The following LARP6 variants were observed in gnomAD, a reference collection of about 807,000 sequenced individuals.
LARP6 encodes the protein la-related protein 6.
Under a neutral mutation model 32.8 loss-of-function variants are expected in LARP6, and 18 were observed. The observed-to-expected ratio is 0.55, with a 90% CI of 0.38 to 0.81. The LOEUF (loss-of-function observed/expected upper bound fraction) is 0.81, where lower values mean the gene tolerates loss of function less well. LARP6 is among the 40% of genes least tolerant of loss of function. The probability of loss-of-function intolerance (pLI) is 0.00; values close to 1 mark genes in which losing one functional copy is unlikely to be tolerated. For synonymous variants in LARP6, 289 were observed against 267.2 expected (o/e 1.08, Z -0.80); for missense variants, 598 against 663.1 (o/e 0.90, Z 1.08).
At chr15:70,839,577 A>G (rs187575006) in intron 1 of LARP6, among the ~76,000 whole-genome samples, 1 of 152,004 alleles carries the variant, frequency 6.6e-6, no homozygotes, top group Non-Finnish European at 1.5e-5. Flanking sequence ...CACTTTCTCA[A>G]TTGCCTTTCC....
intron 1 of LARP6, among the ~76,000 whole-genome samples, chr15:70,846,322 C>T (rs1278183683): frequency 6.6e-6 from 1 of 152,096 alleles, no homozygotes. Flanking sequence ...AACTCTTCGG[C>T]TCCCAACCAG....
At chr15:70,841,081 T>A (rs2032248141) in intron 1 of LARP6, among the ~76,000 whole-genome samples, 1 of 150,992 alleles carries the variant, frequency 6.6e-6, no homozygotes, top group Admixed American at 6.6e-5. Flanking sequence ...GCCCGGCTAA[T>A]TTTTTGTATT....
chr15:70,853,694 G>T (rs911990750), intron 1 of LARP6, among the ~76,000 whole-genome samples, 195 bp downstream of exon 1: 1 of 152,136 alleles, frequency 6.6e-6, no homozygotes, highest in African/African-American at 2.4e-5. Flanking sequence ...GGGCGACGAA[G>T]CTGCGGGCTG....
At position 70,832,570 on chromosome 15, in the gene LARP6, G is replaced by C. The variant is rs781585541; in HGVS notation, c.958C>G (p.Leu320Val). Reference protein sequence around the residue: ...PTASIHLNKSLNKRVEELQYM... With the variant: ...PTASIHLNKSVNKRVEELQYM... ...TGAAGCTCCTCGACTCTCTTGTTCAGGGACTTGTTCAGGTGGATGCTCGCA... is the reference window on the plus strand; with the variant it reads ...TGAAGCTCCTCGACTCTCTTGTTCACGGACTTGTTCAGGTGGATGCTCGCA... Residue 320 changes from leucine (L) to valine (V), a missense_variant, in exon 3 of 3, where the codon CTG becomes GTG. By Grantham distance (32) the Leu-to-Val change is conservative (BLOSUM62 1). This residue lies in a region of LARP6 where 368 missense variants were observed against 397.9 expected (regional missense o/e 0.92). Transcript: ENST00000299213. 6.3e-7 allele frequency: 1 copy of C among 1,575,404 alleles called. No homozygotes were observed. The highest frequency in any genetic ancestry group is 1.9e-5 in the Admixed American group (1 of 52,958).
Position 70,830,084 on chromosome 15 carries a change from C to G in LARP6, c.*1968G>C, listed in dbSNP as rs1363348087. 6.6e-6 allele frequency: 1 copy of G among 152,310 alleles called. No homozygotes were observed. The highest frequency in any genetic ancestry group is 1.9e-4 in the East Asian group (1 of 5,188). 9.4% of individuals were successfully genotyped at this position (152,310 alleles called of 1,614,324 possible). ...AGGGGGCCCTGACATTGCCCAAGGTCAGGAGTCCTGGTGGTCTAGGCACAA... is the reference window on the plus strand; with the variant it reads ...AGGGGGCCCTGACATTGCCCAAGGTGAGGAGTCCTGGTGGTCTAGGCACAA... On this transcript the variant is annotated 3_prime_UTR_variant, in exon 3 of 3. Transcript: ENST00000299213.
intron 1 of LARP6, among the ~76,000 whole-genome samples, chr15:70,845,497 G>A (rs2032329353): frequency 6.6e-6 from 1 of 152,154 alleles, no homozygotes; most frequent in Admixed American, 6.5e-5. Context: ...CATCCTATCA[G>A]GGTAGATGCT....
At chr15:70,842,369 A>G (rs985925842) in intron 1 of LARP6, among the ~76,000 whole-genome samples, 1 of 152,020 alleles carries the variant, frequency 6.6e-6, no homozygotes, top group African/African-American at 2.4e-5. Context: ...TTCTAAGTGT[A>G]GGTGTTACCC....
rs7496129 is a variant in LARP6 at position 70,846,621 on chromosome 15, A to C, written c.200+7268T>G. ...GAGACCCTGTCTCAAAAAATAAATA[A>C]ATACATACATACATACATACATACA... On this transcript the variant is annotated intron_variant, in intron 1 of 2. Coordinates refer to ENST00000299213, the MANE Select transcript of LARP6 (RefSeq NM_018357.4). Among the ~76,000 whole-genome samples the C allele has an allele frequency of 1.0e-3, 156 of 148,880 alleles. 1 individual carries two copies. Among genetic ancestry groups the C allele is most frequent in the African/African-American group, 2.8e-3 (114 of 40,546 alleles).
intron 2 of LARP6, 34 bp from the exon 3 acceptor site, chr15:70,833,150 T>C (rs1476529546): frequency 6.4e-7 from 1 of 1,570,210 alleles, no homozygotes; most frequent in South Asian, 1.1e-5. Flanking sequence ...AAATAGTATC[T>C]AATGTCCTTG....
rs2032565336 is a variant in LARP6 at position 70,853,894 on chromosome 15, C to T, written c.195G>A (p.Gly65=). 1.5e-6 allele frequency: 2 copies of T among 1,314,684 alleles called. No individual in the cohort carries two copies. The highest frequency in any genetic ancestry group is 3.5e-5 in the Admixed American group (1 of 28,824). The allele number at this position is 1,314,684 out of a possible 1,614,324, so 81.4% of individuals were successfully genotyped here. A position where few individuals can be genotyped will look rare whatever the true frequency, so the allele number is the denominator to read the frequency against. ...GSASEEEPSR[G]HSGTTASGGE... ...GGGCCAGCCGCCGCGCCTACCTGTG[C>T]CCGCGGCTCGGCTCCTCCTCGCTCG... Residue 65 remains glycine, a synonymous_variant, in exon 1 of 3, where the codon GGG becomes GGA. Coordinates refer to ENST00000299213, the MANE Select transcript of LARP6 (RefSeq NM_018357.4).
intron 1 of LARP6, chr15:70,851,532 C>A: frequency 6.6e-7 from 1 of 1,509,324 alleles, no homozygotes; most frequent in South Asian, 1.3e-5. Context: ...TAAGATAAGG[C>A]AGCTGCCTTC....
At chr15:70,852,358 G>A in intron 1 of LARP6, 1 of 450,138 alleles carries the variant, frequency 2.2e-6, no homozygotes, top group Non-Finnish European at 4.5e-6. Flanking sequence ...GAGGGGTTCA[G>A]GCAAGAGGCC....
intron 2 of LARP6, among the ~76,000 whole-genome samples, chr15:70,834,118 C>A (rs1163960436): frequency 3.9e-5 from 6 of 152,148 alleles, no homozygotes; most frequent in Non-Finnish European, 8.8e-5. Flanking sequence ...AGCTGCTCTG[C>A]AAAAGAACTG....
intron 1 of LARP6, among the ~76,000 whole-genome samples, chr15:70,838,724 C>T (rs914356761): frequency 2.6e-5 from 4 of 151,806 alleles, no homozygotes; most frequent in East Asian, 1.9e-4. Flanking sequence ...ACTGATTATC[C>T]GCATCATAAC....
rs777961020 is a variant in LARP6, at chr15:70,832,663, C to T, written c.865G>A (p.Val289Ile). The change falls in exon 3 of 3, where the codon GTC (valine) becomes ATC (isoleucine). Residue 289 changes from valine to isoleucine, a missense_variant. Physicochemically the swap from Val to Ile is conservative, Grantham distance 29 (BLOSUM62 3). This residue lies in a region of LARP6 where 368 missense variants were observed against 397.9 expected (regional missense o/e 0.92). Transcript: ENST00000299213. Reference sequence around the variant, plus strand: ...TTGGGTGGCTTCATACCAATCAGGACAGCTTTCATGTTCTCTTTGCCCTGA... The same window carrying T: ...TTGGGTGGCTTCATACCAATCAGGATAGCTTTCATGTTCTCTTTGCCCTGA... ...ESQGKENMKA[V>I]LIGMKPPKKK... is the part of the protein sequence containing the mutation. 6 of 1,609,382 alleles carry T rather than the reference C, an allele frequency of 3.7e-6. No homozygotes were observed. In the East Asian group the frequency reaches 1.3e-4, roughly 36 times the overall value.
chr15:70,838,780 A>G (rs977156935), intron 1 of LARP6, among the ~76,000 whole-genome samples: 4 of 152,206 alleles, frequency 2.6e-5, no homozygotes, highest in African/African-American at 9.6e-5. Flanking sequence ...GTAGGTAGTT[A>G]TAAGAGTTGG....
At position 70,836,507 on chromosome 15, in the gene LARP6, T is replaced by G; in HGVS notation, c.201-2A>C. ...TCACCTCCACTTGCAGTGGTGCCACTGAGACCAGAAGGAGACACCGGGTGT... is the reference window on the plus strand; with the variant it reads ...TCACCTCCACTTGCAGTGGTGCCACGGAGACCAGAAGGAGACACCGGGTGT... On this transcript the variant is annotated splice_acceptor_variant, in intron 1 of 2. Coordinates refer to ENST00000299213, the MANE Select transcript of LARP6 (RefSeq NM_018357.4). LOFTEE classifies it high-confidence loss of function. 6.2e-7 allele frequency: 1 copy of G among 1,613,612 alleles called. No individual in the cohort carries two copies. The highest frequency in any genetic ancestry group is 1.3e-5 in the African/African-American group (1 of 75,038).
In LARP6 at chr15:70,849,336, G is replaced by A. The variant is rs146615841; in HGVS notation, c.200+4553C>T. 420 of 156,868 alleles carry A rather than the reference G, an allele frequency of 2.7e-3. 4 individuals carry two copies. Among genetic ancestry groups the A allele is most frequent in the African/African-American group, 9.9e-3 (414 of 41,620 alleles). 9.7% of individuals were successfully genotyped at this position (156,868 alleles called of 1,614,324 possible). A position where few individuals can be genotyped will look rare whatever the true frequency, so the allele number is the denominator to read the frequency against. The stretch of plus-strand genomic sequence containing the variant: ...CAGGTCATTGCACTCCAGCCTGGGC[G>A]ACAAGAGCAAGACCCTGTCTCAAAA... On this transcript the variant is annotated intron_variant, in intron 1 of 2. Coordinates refer to ENST00000299213, the MANE Select transcript of LARP6 (RefSeq NM_018357.4).
chr15:70,841,749 C>T (rs1259606087), intron 1 of LARP6, among the ~76,000 whole-genome samples: 1 of 152,124 alleles, frequency 6.6e-6, no homozygotes, highest in Non-Finnish European at 1.5e-5. Context: ...TCTCCCTTCA[C>T]CTTCCACCAC....
Sources: gnomAD v4.1 joint callset for allele counts (sites outside exome capture counted in the v4.1 genomes callset) on GRCh38, gnomAD v4.1.1 for gene constraint, gnomAD v4.1.1 regional missense constraint, MANE v1.5 for transcripts, NCBI Gene and HGNC (gene_info 2026-07-23, HGNC 2026-07-21) for gene names.